COL11A1: variants seen among roughly 807,000 people sequenced by gnomAD.
The protein encoded by COL11A1 is collagen alpha-1(XI) chain.
Under a neutral mutation model 265.2 loss-of-function variants are expected in COL11A1, and 74 were observed. The observed-to-expected ratio is 0.28, with a 90% CI of 0.23 to 0.34. The LOEUF is 0.34. Ranked by LOEUF, COL11A1 falls within the 10% of genes least tolerant of loss-of-function variation. The pLI is 1.00. For missense variants in COL11A1, 2,165 were observed against 2,263.6 expected (o/e 0.96, Z 0.88); for synonymous variants, 816 against 727.6 (o/e 1.12, Z -1.96).
intron 4 of COL11A1, among the ~76,000 whole-genome samples, chr1:103,067,391 C>T (rs1452541968): frequency 6.6e-6 from 1 of 151,334 alleles, no homozygotes; most frequent in East Asian, 1.9e-4. Context: ...AATTAGTGGG[C>T]TGGAAATAAA....
intron 42 of COL11A1, among the ~76,000 whole-genome samples, chr1:102,943,683 C>A (rs535008835): frequency 3.3e-5 from 5 of 152,178 alleles, no homozygotes; most frequent in African/African-American, 9.6e-5. Context: ...TGATTATTTT[C>A]TCTGCAATTA....
intron 24 of COL11A1, chr1:103,001,597 A>C (rs758458737): frequency 8.7e-6 from 4 of 460,858 alleles, no homozygotes; most frequent in African/African-American, 4.0e-5. Flanking sequence ...AAACTTAATT[A>C]CTTTTTTGTA....
intron 23 of COL11A1, among the ~76,000 whole-genome samples, 197 bp downstream of exon 23, chr1:103,002,231 C>A (rs992339062): frequency 7.2e-5 from 11 of 152,068 alleles, no homozygotes; most frequent in Non-Finnish European, 1.3e-4. Flanking sequence ...TTGAATGAGT[C>A]ATTTTTCCCT....
intron 14 of COL11A1, among the ~76,000 whole-genome samples, chr1:103,009,428 A>T (rs550131350): frequency 6.6e-6 from 1 of 152,332 alleles, no homozygotes; most frequent in South Asian, 2.1e-4. Flanking sequence ...AAATAAATAA[A>T]TAAAAATAAC....
intron 41 of COL11A1, 147 bp downstream of exon 41, chr1:102,961,719 A>G (rs542946496): frequency 7.1e-6 from 5 of 708,672 alleles, no homozygotes; most frequent in South Asian, 6.2e-5. Context: ...AGTGCATGCA[A>G]TTAGTGGGAA....
At chr1:103,022,605 T>G in intron 8 of COL11A1, 137 bp downstream of exon 8, 1 of 929,898 alleles carries the variant, frequency 1.1e-6, no homozygotes, top group Non-Finnish European at 1.7e-6. Flanking sequence ...CAAGGTGTCC[T>G]AGTGGTAATA....
rs573952959 is a variant in COL11A1, at chr1:103,019,164, A to G, written c.1309-305T>C. Among the ~76,000 whole-genome samples the G allele has an allele frequency of 1.2e-4, 18 of 152,260 alleles. No homozygotes were observed. In the South Asian group the frequency reaches 2.3e-3, roughly 19 times the overall value. ...AAGAGTACAGACAAAACAATCTACC[A>G]AGGTTTTTTATTTTTTGTTTTTCGT... is the stretch of plus-strand genomic sequence containing the variant. On this transcript the variant is annotated intron_variant, in intron 9 of 66. Coordinates refer to ENST00000370096, the MANE Select transcript of COL11A1 (RefSeq NM_001854.4).
At position 102,876,944 on chromosome 1, in the gene COL11A1, A is replaced by C. The variant is rs1649568861; in HGVS notation, c.*1075T>G. 1 of 152,480 alleles carries C rather than the reference A, an allele frequency of 6.6e-6. No homozygotes were observed. Among genetic ancestry groups the C allele is most frequent in the African/African-American group, 2.4e-5 (1 of 41,448 alleles). The allele number at this position is 152,480 out of a possible 1,614,324, so 9.4% of individuals were successfully genotyped here. ...AAAGTAATATTTGTTGGGCAAGTAAAATAATTTTCGAGACTGTTATAATAT... is the reference window on the plus strand; with the variant it reads ...AAAGTAATATTTGTTGGGCAAGTAACATAATTTTCGAGACTGTTATAATAT... On this transcript the variant is annotated 3_prime_UTR_variant, in exon 67 of 67. Transcript: ENST00000370096.
rs564175597 is a variant in COL11A1, at chr1:103,106,348, A to T, written c.106+1725T>A. 2.6e-5 allele frequency among the ~76,000 whole-genome samples: 4 copies of T among 152,326 alleles called. No homozygotes were observed. In the East Asian group the frequency reaches 7.7e-4, roughly 29 times the overall value. On this transcript the variant is annotated intron_variant, in intron 1 of 66. Coordinates refer to ENST00000370096, the MANE Select transcript of COL11A1 (RefSeq NM_001854.4). Reference sequence around the variant, plus strand: ...TTCAATAAATAGCTGCCATTACAATATTCTCATTTACATGCGTGTGTGACA... The same window carrying T: ...TTCAATAAATAGCTGCCATTACAATTTTCTCATTTACATGCGTGTGTGACA...
chr1:102,997,706 G>GA (rs1368501712), intron 25 of COL11A1, among the ~76,000 whole-genome samples: 1 of 151,610 alleles, frequency 6.6e-6, no homozygotes, highest in Non-Finnish European at 1.5e-5. Context: ...GTTTAAAGAG[G>GA]AAAAAAATCT....
chr1:103,023,145 CAG>C, intron 7 of COL11A1, 149 bp from the exon 8 acceptor site: 1 of 751,220 alleles, frequency 1.3e-6, no homozygotes, highest in Non-Finnish European at 2.2e-6. Context: ...AGTAGGCTTT[CAG>C]TATCATTGAA....
chr1:102,932,824 T>C (rs188351983), intron 46 of COL11A1, among the ~76,000 whole-genome samples: 8,704 of 150,730 alleles, frequency 0.058, 291 homozygotes, highest in Non-Finnish European at 0.08. Context: ...CTTCCCTTCT[T>C]GCTTCATTTC....
In COL11A1 at chr1:103,022,802, G is replaced by T; in HGVS notation, c.1185C>A (p.Ser395Arg). The T allele has an allele frequency of 6.2e-7, 1 of 1,613,646 alleles. No homozygotes were observed. ...EYKEYEDKPT[S>R]PPNEEFGPGV... is the part of the protein sequence containing the mutation. ...CTGGACCAAATTCTTCATTAGGGGG[G>T]CTTGTTGGTTTATCTTCATATTCTT... The change falls in exon 8 of 67, where the codon AGC becomes AGA. Residue 395 changes from serine to arginine, a missense_variant. Ser to Arg is a moderately radical substitution (Grantham distance 110). Transcript: ENST00000370096.
At chr1:102,908,324 T>A (rs1654239788) in intron 54 of COL11A1, among the ~76,000 whole-genome samples, 1 of 152,152 alleles carries the variant, frequency 6.6e-6, no homozygotes, top group African/African-American at 2.4e-5. Flanking sequence ...TATTTTCTCC[T>A]AATCGGATCT....
chr1:102,912,590 A>C (rs1266758961), intron 53 of COL11A1, among the ~76,000 whole-genome samples: 1 of 152,162 alleles, frequency 6.6e-6, no homozygotes, highest in African/African-American at 2.4e-5. Context: ...ATTACTTTTA[A>C]ATTTATTTTT....
chr1:103,097,518 C>A (rs1673874018), intron 1 of COL11A1, among the ~76,000 whole-genome samples: 1 of 151,978 alleles, frequency 6.6e-6, no homozygotes, highest in African/African-American at 2.4e-5. Context: ...AGGAACCATA[C>A]ACCTCTCCTT....
intron 1 of COL11A1, among the ~76,000 whole-genome samples, chr1:103,106,802 T>C (rs1313846792): frequency 1.3e-5 from 2 of 152,120 alleles, no homozygotes; most frequent in African/African-American, 4.8e-5. Context: ...AGGAATAACC[T>C]GGTCTCAGAG....
At chr1:102,879,614 G>A (rs1411930366) in intron 66 of COL11A1, 69 bp downstream of exon 66, 8 of 1,399,876 alleles carry the variant, frequency 5.7e-6, no homozygotes, top group Non-Finnish European at 7.0e-6. Flanking sequence ...ATCTGGCTAA[G>A]GACCGACTGA....
At chr1:102,992,129 A>G (rs547971571) in intron 28 of COL11A1, among the ~76,000 whole-genome samples, 39 of 152,292 alleles carry the variant, frequency 2.6e-4, no homozygotes, top group African/African-American at 7.7e-4. Context: ...GTCTACAGGG[A>G]GGCTATTTTT....
Sources: allele counts gnomAD v4.1 joint callset (sites outside exome capture counted in the v4.1 genomes callset), GRCh38; gene constraint gnomAD v4.1.1; transcripts MANE v1.5; gene names NCBI Gene and HGNC (gene_info 2026-07-23, HGNC 2026-07-21).